The following CYB5R2 variants were observed in gnomAD, a reference collection of about 807,000 sequenced individuals.
The protein encoded by CYB5R2 is cytochrome b5 reductase 2, also known as NADH-cytochrome b5 reductase 2.
CYB5R2 carries 35 observed loss-of-function variants against 29.8 expected under a neutral mutation model. That is an observed-to-expected ratio of 1.17 (90% CI 0.90 to 1.56). CYB5R2 has a LOEUF of 1.56. Ranked by LOEUF, CYB5R2 falls within the 40% of genes most tolerant of loss-of-function variation. CYB5R2 has a pLI of 0.00. For missense variants in CYB5R2, 419 were observed against 346.7 expected (o/e 1.21, Z -1.66); for synonymous variants, 169 against 130.6 (o/e 1.29, Z -2.01).
chr11:7,673,506 TC>T, upstream of CYB5R2: 3 of 985,926 alleles, frequency 3.0e-6, no homozygotes, highest in Non-Finnish European at 3.6e-6. Flanking sequence ...GTCTCAGCCT[TC>T]CGGAATCCGA....
chr11:7,665,876 G>A, intron 8 of CYB5R2: 1 of 1,536,140 alleles, frequency 6.5e-7, no homozygotes, highest in Non-Finnish European at 8.7e-7. Context: ...GCAGGGTGTG[G>A]CCTGGTGTTA....
chr11:7,670,451 A>C (rs1855659037), intron 3 of CYB5R2: 1 of 152,312 alleles, frequency 6.6e-6, no homozygotes, highest in African/African-American at 2.4e-5. Flanking sequence ...TATCACTGAG[A>C]TCTGTGAATA....
chr11:7,672,907 T>A lies in CYB5R2; in HGVS notation c.-66-16A>T. ...GGGACGGGTCCTGGCAGACACAATG[T>A]GAACAGAGCACCTCAGGTCTTGCCC... On this transcript the variant is annotated splice_polypyrimidine_tract_variant and intron_variant, in intron 1 of 8. Coordinates refer to ENST00000299498, the MANE Select transcript of CYB5R2 (RefSeq NM_016229.5). 1 of 1,606,006 alleles carries A rather than the reference T, an allele frequency of 6.2e-7. No individual in the cohort carries two copies. The highest frequency in any genetic ancestry group is 8.5e-7 in the Non-Finnish European group (1 of 1,176,072).
At chr11:7,665,657 C>T (rs1011399275) in intron 8 of CYB5R2, 111 bp from the exon 9 acceptor site, 7 of 1,283,234 alleles carry the variant, frequency 5.5e-6, no homozygotes, top group Middle Eastern at 2.1e-4. Flanking sequence ...AGCTGCTCTA[C>T]AAAGGCTTAG....
rs375815686 is a variant in CYB5R2 at position 7,667,817 on chromosome 11, G to T, written c.473-4C>A. 1.9e-5 allele frequency: 30 copies of T among 1,613,710 alleles called. No individual in the cohort carries two copies. Among genetic ancestry groups the T allele is most frequent in the Middle Eastern group, 1.6e-4 (1 of 6,062 alleles). On this transcript the variant is annotated splice_region_variant and splice_polypyrimidine_tract_variant and intron_variant, in intron 6 of 8. Transcript: ENST00000299498. Reference sequence around the variant, plus strand: ...AGCTGCAACATGGGTGTGATGCCTGGAACACAGTGAGCGAGCAGCCAGCTT... The same window carrying T: ...AGCTGCAACATGGGTGTGATGCCTGTAACACAGTGAGCGAGCAGCCAGCTT...
At chr11:7,668,409 C>CA in intron 6 of CYB5R2, 69 bp downstream of exon 6, 1 of 1,222,284 alleles carries the variant, frequency 8.2e-7, no homozygotes, top group Admixed American at 1.7e-5. Flanking sequence ...CTTAGAGGAT[C>CA]AAATGACTCC....
In CYB5R2 at chr11:7,669,196, C is replaced by T; in HGVS notation, c.388+9G>A. The T allele has an allele frequency of 6.2e-7, 1 of 1,614,158 alleles. No homozygotes were observed. The highest frequency in any genetic ancestry group is 8.5e-7 in the Non-Finnish European group (1 of 1,180,006). On this transcript the variant is annotated intron_variant, in intron 5 of 8. Coordinates refer to ENST00000299498, the MANE Select transcript of CYB5R2 (RefSeq NM_016229.5). The stretch of plus-strand genomic sequence containing the variant: ...CAGCTGGGAGCCCAAGTATTAACCC[C>T]TCCAGTACCTGGCCCATGGTAAAAC...
chr11:7,674,252 T>C (rs1019123723), upstream of CYB5R2: 1 of 1,224,690 alleles, frequency 8.2e-7, no homozygotes, highest in Non-Finnish European at 1.1e-6. Flanking sequence ...CTGGGCCTGG[T>C]CCGGGGCGGG....
intron 6 of CYB5R2, 68 bp from the exon 7 acceptor site, chr11:7,667,881 C>G: frequency 7.8e-7 from 1 of 1,279,724 alleles, no homozygotes; most frequent in South Asian, 1.2e-5. Context: ...TGACCTGCAG[C>G]AAGCTTCATA....
At position 7,668,465 on chromosome 11, in the gene CYB5R2, A is replaced by G. The variant is rs111643831; in HGVS notation, c.472+13T>C. The G allele has an allele frequency of 9.9e-6, 16 of 1,608,642 alleles. No homozygotes were observed. In the African/African-American group the frequency reaches 1.2e-4, roughly 12 times the overall value. ...GGCTCACTCTCTGGATGGAGCCCCT[A>G]GAAGCCTCTTACCTGTGCCCCCAGC... On this transcript the variant is annotated intron_variant, in intron 6 of 8. Coordinates refer to ENST00000299498, the MANE Select transcript of CYB5R2 (RefSeq NM_016229.5).
chr11:7,668,770 G>A lies in CYB5R2; in HGVS notation c.389-209C>T, dbSNP rs376974964. On this transcript the variant is annotated intron_variant, in intron 5 of 8. Coordinates refer to ENST00000299498, the MANE Select transcript of CYB5R2 (RefSeq NM_016229.5). Reference sequence around the variant, plus strand: ...GTGGGAATAGAGCCTGGGCTTGGTCGGGGAATCGCCGGGCCTTCTGTTCTG... The same window carrying A: ...GTGGGAATAGAGCCTGGGCTTGGTCAGGGAATCGCCGGGCCTTCTGTTCTG... 3.3e-5 allele frequency: 20 copies of A among 611,218 alleles called. No individual in the cohort carries two copies. In the Middle Eastern group the frequency reaches 1.3e-3, roughly 40 times the overall value. 37.9% of individuals were successfully genotyped at this position (611,218 alleles called of 1,614,324 possible).
chr11:7,667,782 G>C lies in CYB5R2; in HGVS notation c.504C>G (p.His168Gln). 1.2e-6 allele frequency: 2 copies of C among 1,614,220 alleles called. No homozygotes were observed. Among genetic ancestry groups the C allele is most frequent in the Non-Finnish European group, 1.7e-6 (2 of 1,180,034 alleles). Residue 168 changes from histidine to glutamine, a missense_variant, in exon 7 of 9, where the codon CAC becomes CAG. By Grantham distance (24) the His-to-Gln change is conservative. Coordinates refer to ENST00000299498, the MANE Select transcript of CYB5R2 (RefSeq NM_016229.5). The stretch of plus-strand genomic sequence containing the variant: ...TCCTGTCACTGGGGTCCTTGGTGAT[G>C]TGGCGAATGAGCTGCAACATGGGTG... ...GITPMLQLIR[H>Q]ITKDPSDRTR...
chr11:7,668,706 G>A (rs770627434), intron 5 of CYB5R2, 145 bp from the exon 6 acceptor site: 38 of 728,250 alleles, frequency 5.2e-5, no homozygotes, highest in Non-Finnish European at 8.3e-5. Flanking sequence ...GCAGGCCAGG[G>A]CAGTCTCCTC....
intron 3 of CYB5R2, chr11:7,670,846 C>T (rs1380498551): frequency 1.3e-5 from 2 of 152,240 alleles, no homozygotes; most frequent in Non-Finnish European, 2.9e-5. Context: ...GTAACCCTAA[C>T]CCTTGACTAA....
intron 8 of CYB5R2, 91 bp from the exon 9 acceptor site, chr11:7,665,637 G>T: frequency 7.3e-7 from 1 of 1,369,968 alleles, no homozygotes; most frequent in East Asian, 2.4e-5. Context: ...CAGCCAGGGA[G>T]GAGGTGACAA....
At position 7,669,897 on chromosome 11, in the gene CYB5R2, C is replaced by T. The variant is rs1271762540; in HGVS notation, c.152-166G>A. On this transcript the variant is annotated intron_variant, in intron 3 of 8. Coordinates refer to ENST00000299498, the MANE Select transcript of CYB5R2 (RefSeq NM_016229.5). ...AACCCAAATATGGGATGCCCGGATC[C>T]TAGGCCTGCCCTGCCTCCCTGTGCT... is the stretch of plus-strand genomic sequence containing the variant. The T allele has an allele frequency of 1.3e-5, 8 of 618,034 alleles. No individual in the cohort carries two copies. In the East Asian group the frequency reaches 2.3e-4, roughly 18 times the overall value. The allele number at this position is 618,034 out of a possible 1,614,324, so 38.3% of individuals were successfully genotyped here. A position where few individuals can be genotyped will look rare whatever the true frequency, so the allele number is the denominator to read the frequency against.
intron 3 of CYB5R2, chr11:7,672,126 CTG>C (rs774488558): frequency 2.4e-4 from 69 of 288,098 alleles, no homozygotes; most frequent in Middle Eastern, 9.6e-4. Context: ...ATTTCATAGA[CTG>C]AGGCTCAGAG....
intron 6 of CYB5R2, 134 bp downstream of exon 6, chr11:7,668,344 A>C: frequency 3.9e-6 from 3 of 778,056 alleles, no homozygotes; most frequent in African/African-American, 1.7e-5. Context: ...AAGACCTGTC[A>C]CTGGTTCATC....
Position 7,665,502 on chromosome 11 carries a change from C to G in CYB5R2, c.703G>C (p.Glu235Gln), listed in dbSNP as rs747913578. Reference sequence around the variant, plus strand: ...GACTTCGCTGGAGGAGGAAGGTGCTCCTTGATCATGTCGGCAGTAACGAAG... The same window carrying G: ...GACTTCGCTGGAGGAGGAAGGTGCTGCTTGATCATGTCGGCAGTAACGAAG... ...SGFVTADMIKEHLPPPAKSTL... is the reference protein window; with the variant it reads ...SGFVTADMIKQHLPPPAKSTL... Residue 235 changes from glutamate to glutamine, a missense_variant, in exon 9 of 9, where the codon GAG becomes CAG. Physicochemically the swap from Glu to Gln is conservative, Grantham distance 29 (BLOSUM62 2). Coordinates refer to ENST00000299498, the MANE Select transcript of CYB5R2 (RefSeq NM_016229.5). 33 of 1,613,506 alleles carry G rather than the reference C, an allele frequency of 2.0e-5. No individual in the cohort carries two copies. The highest frequency in any genetic ancestry group is 2.7e-5 in the Non-Finnish European group (32 of 1,179,844).
Sources: gnomAD v4.1 joint callset for allele counts on GRCh38, gnomAD v4.1.1 for gene constraint, MANE v1.5 for transcripts, NCBI Gene and HGNC (gene_info 2026-07-23, HGNC 2026-07-21) for gene names.